Variants in ASTN2 observed in about 807,000 individuals in gnomAD.
The protein encoded by ASTN2 is astrotactin 2, also known as astrotactin-2.
Under a neutral mutation model 139.8 loss-of-function variants are expected in ASTN2, and 54 were observed. The ratio of observed to expected loss-of-function variants is 0.39; its 90% CI spans 0.31 to 0.48. The LOEUF (loss-of-function observed/expected upper bound fraction) is 0.48. ASTN2 is among the 20% of genes least tolerant of loss of function. The pLI is 0.95. For synonymous variants in ASTN2, 756 were observed against 719.5 expected (o/e 1.05, Z -0.81); for missense variants, 1,565 against 1,725.1 (o/e 0.91, Z 1.64).
chr9:116,807,421 T>C (rs556533127), intron 12 of ASTN2, among the ~76,000 whole-genome samples: 1 of 152,314 alleles, frequency 6.6e-6, no homozygotes, highest in South Asian at 2.1e-4. Context: ...TTCCTTGCTT[T>C]CCCCTAATCC....
intron 14 of ASTN2, among the ~76,000 whole-genome samples, chr9:116,730,194 G>A (rs1360259837): frequency 6.6e-6 from 1 of 152,126 alleles, no homozygotes; most frequent in Non-Finnish European, 1.5e-5. Flanking sequence ...CTCTGCAAAT[G>A]GCAGGCACAT....
At chr9:117,298,121 A>G (rs1036217963) in intron 1 of ASTN2, among the ~76,000 whole-genome samples, 9 of 152,142 alleles carry the variant, frequency 5.9e-5, no homozygotes, top group African/African-American at 1.7e-4. Flanking sequence ...AAACCCTCCA[A>G]TGTTTTCTAC....
intron 10 of ASTN2, among the ~76,000 whole-genome samples, chr9:116,939,182 T>C (rs1363358569): frequency 6.6e-6 from 1 of 152,218 alleles, no homozygotes; most frequent in Admixed American, 6.5e-5. Context: ...TTTTCTCATC[T>C]GGCATAATGA....
rs377614506 is a variant in ASTN2 at position 116,573,516 on chromosome 9, T to A, written c.3355+44808A>T. ...CAAAAGATATGAATAATGGATTTTT[T>A]TTCCAGAATGTTATGGGACAAAATT... is the stretch of plus-strand genomic sequence containing the variant. On this transcript the variant is annotated intron_variant, in intron 19 of 22. Transcript: ENST00000313400. Among the ~76,000 whole-genome samples, 13 of 152,304 alleles carry A rather than the reference T, an allele frequency of 8.5e-5. No individual in the cohort carries two copies. In the East Asian group the frequency reaches 2.1e-3, roughly 25 times the overall value.
chr9:116,641,265 A>G lies in ASTN2; in HGVS notation c.3072+10263T>C, dbSNP rs1239915082. On this transcript the variant is annotated intron_variant, in intron 17 of 22. Transcript: ENST00000313400. ...GGAGAAGGTAACTGAATGCAATGAC[A>G]TTGTCTTTAGCATGCATTAGACTTT... 2.6e-5 allele frequency among the ~76,000 whole-genome samples: 4 copies of G among 152,216 alleles called. No homozygotes were observed. In the East Asian group the frequency reaches 7.7e-4, roughly 29 times the overall value.
chr9:116,656,626 A>G (rs566285087), intron 16 of ASTN2, among the ~76,000 whole-genome samples: 7 of 149,284 alleles, frequency 4.7e-5, no homozygotes. Context: ...GAACCTGCCA[A>G]CTGAACTCTC....
At chr9:116,809,478 T>A (rs1451094319) in intron 12 of ASTN2, among the ~76,000 whole-genome samples, 1 of 152,194 alleles carries the variant, frequency 6.6e-6, no homozygotes, top group Non-Finnish European at 1.5e-5. Flanking sequence ...TACTATAGCT[T>A]TATAGCCTGT....
At chr9:117,186,033 C>G (rs758124693) in intron 3 of ASTN2, among the ~76,000 whole-genome samples, 1 of 152,164 alleles carries the variant, frequency 6.6e-6, no homozygotes, top group Non-Finnish European at 1.5e-5. Context: ...CAAGGTCACA[C>G]AGACCTAGCT....
chr9:116,589,511 CGTTT>C (rs1564137162), intron 19 of ASTN2, among the ~76,000 whole-genome samples: 1 of 152,124 alleles, frequency 6.6e-6, no homozygotes, highest in East Asian at 1.9e-4. Context: ...AACAGGTCTT[CGTTT>C]TTTTCTGTGC....
At chr9:117,118,481 C>T (rs1015808236) in intron 4 of ASTN2, among the ~76,000 whole-genome samples, 5 of 152,290 alleles carry the variant, frequency 3.3e-5, no homozygotes, top group Admixed American at 6.5e-5. Context: ...AAGCTATCAT[C>T]GTCTGTCTAT....
At chr9:116,523,445 A>G (rs1391452674) in intron 19 of ASTN2, among the ~76,000 whole-genome samples, 11 of 152,164 alleles carry the variant, frequency 7.2e-5, no homozygotes. Flanking sequence ...TCAACCTCTC[A>G]GGCTGACCTG....
At chr9:116,540,141 C>G (rs1851816941) in intron 19 of ASTN2, among the ~76,000 whole-genome samples, 2 of 152,208 alleles carry the variant, frequency 1.3e-5, no homozygotes, top group Non-Finnish European at 2.9e-5. Context: ...TTACCTTCTC[C>G]ATTCCTAAGA....
At chr9:116,918,142 G>A (rs1834504682) in intron 10 of ASTN2, among the ~76,000 whole-genome samples, 1 of 152,168 alleles carries the variant, frequency 6.6e-6, no homozygotes, top group African/African-American at 2.4e-5. Flanking sequence ...ATGTGGAACT[G>A]TAAGTCCAAT....
intron 1 of ASTN2, among the ~76,000 whole-genome samples, chr9:117,395,761 A>T (rs991115676): frequency 3.9e-5 from 6 of 152,252 alleles, no homozygotes; most frequent in Admixed American, 3.3e-4. Context: ...CAGAACCCCC[A>T]TGAAACCATA....
At chr9:116,913,839 A>G (rs1017113759) in intron 10 of ASTN2, among the ~76,000 whole-genome samples, 8 of 151,800 alleles carry the variant, frequency 5.3e-5, no homozygotes, top group Admixed American at 2.6e-4. Context: ...ACATGGACCA[A>G]GTTCCTTTCT....
At chr9:116,824,352 T>C (rs537828642) in intron 11 of ASTN2, among the ~76,000 whole-genome samples, 2 of 148,108 alleles carry the variant, frequency 1.4e-5, no homozygotes, top group South Asian at 4.4e-4. Context: ...TAAAGGTAGA[T>C]CATAAGAGAG....
chr9:116,889,371 C>T (rs867974346), intron 10 of ASTN2, among the ~76,000 whole-genome samples: 2 of 152,110 alleles, frequency 1.3e-5, no homozygotes, highest in African/African-American at 4.8e-5. Context: ...GAATTATCAC[C>T]TCCTCCATGA....
intron 1 of ASTN2, among the ~76,000 whole-genome samples, chr9:117,407,692 G>A (rs1831035264): frequency 6.6e-6 from 1 of 152,190 alleles, no homozygotes; most frequent in Non-Finnish European, 1.5e-5. Context: ...AAGAGCTATA[G>A]TCAGTAGAGA....
At chr9:116,632,223 A>AAGAAAGAG in intron 17 of ASTN2, among the ~76,000 whole-genome samples, 2 of 135,572 alleles carry the variant, frequency 1.5e-5, no homozygotes, top group South Asian at 2.8e-4. Flanking sequence ...GAAAGAAAGA[A>AAGAAAGAG]AGAAAGAAAG....
Sources: gnomAD v4.1 joint callset for allele counts (sites outside exome capture counted in the v4.1 genomes callset) on GRCh38, gnomAD v4.1.1 for gene constraint, MANE v1.5 for transcripts, NCBI Gene and HGNC (gene_info 2026-07-23, HGNC 2026-07-21) for gene names.